PTK2: variants seen among roughly 807,000 people sequenced by gnomAD.
PTK2 encodes protein tyrosine kinase 2.
Under a neutral mutation model 150.1 loss-of-function variants are expected in PTK2, and 45 were observed. The observed-to-expected ratio is 0.30, with a 90% confidence interval of 0.24 to 0.38. PTK2 has a LOEUF of 0.38. PTK2 is among the 10% of genes least tolerant of loss of function. The pLI, the probability that PTK2 is intolerant of heterozygous loss-of-function variation, is 1.00. For missense variants in PTK2, 919 were observed against 1,307.3 expected (o/e 0.70, Z 4.58); for synonymous variants, 432 against 449.2 (o/e 0.96, Z 0.48).
intron 14 of PTK2, among the ~76,000 whole-genome samples, chr8:140,777,310 G>A (rs1178189646): frequency 6.6e-6 from 1 of 152,222 alleles, no homozygotes; most frequent in African/African-American, 2.4e-5. Context: ...AGAAGGTGAA[G>A]AGGGAGCAGG....
chr8:140,762,436 T>G, intron 15 of PTK2, 48 bp from the exon 18 acceptor site: 1 of 1,013,036 alleles, frequency 9.9e-7, no homozygotes, highest in Non-Finnish European at 1.2e-6. Flanking sequence ...TGCTTAGAAA[T>G]AACTAACAGC....
At chr8:140,754,139 T>C (rs1270924141) in intron 16 of PTK2, among the ~76,000 whole-genome samples, 1 of 152,210 alleles carries the variant, frequency 6.6e-6, no homozygotes, top group African/African-American at 2.4e-5. Flanking sequence ...AGGGACTGCA[T>C]TCCCTTTCTT....
chr8:140,993,720 C>A (rs372479500), intron 1 of PTK2, among the ~76,000 whole-genome samples: 3 of 151,970 alleles, frequency 2.0e-5, no homozygotes, highest in Non-Finnish European at 2.9e-5. Flanking sequence ...CACAGATAAC[C>A]CACAAACATG....
intron 2 of PTK2, among the ~76,000 whole-genome samples, chr8:140,898,243 G>A (rs551123872): frequency 1.3e-5 from 2 of 152,288 alleles, no homozygotes; most frequent in Admixed American, 6.5e-5. Context: ...ATTGCTGTAA[G>A]GTGTCTAGAT....
intron 4 of PTK2, among the ~76,000 whole-genome samples, chr8:140,877,025 CTTTTTTTTT>C (rs60000363): frequency 7.8e-4 from 56 of 71,886 alleles, no homozygotes; most frequent in African/African-American, 2.6e-3. Flanking sequence ...TTCACTAATC[CTTTTTTTTT>C]TTTTTTTTTT....
chr8:140,958,265 G>A (rs749470400), intron 1 of PTK2, among the ~76,000 whole-genome samples: 1 of 152,114 alleles, frequency 6.6e-6, no homozygotes, highest in Admixed American at 6.6e-5. Flanking sequence ...AGCCTCCTGA[G>A]TAGCTGGGAC....
chr8:140,722,010 G>A (rs2100043161), intron 22 of PTK2, among the ~76,000 whole-genome samples: 1 of 152,182 alleles, frequency 6.6e-6, no homozygotes. Flanking sequence ...CTCAGAATTA[G>A]CACAGACCCT....
At chr8:140,968,504 T>C (rs773691230) in intron 1 of PTK2, among the ~76,000 whole-genome samples, 7 of 152,140 alleles carry the variant, frequency 4.6e-5, no homozygotes, top group South Asian at 2.1e-4. Context: ...AAAAACAGAT[T>C]AGAGAGTTTA....
intron 1 of PTK2, among the ~76,000 whole-genome samples, chr8:140,971,658 T>A (rs1715152338): frequency 6.6e-6 from 1 of 152,228 alleles, no homozygotes; most frequent in Non-Finnish European, 1.5e-5. Context: ...TATACTGTAG[T>A]AAAGTCATTT....
intron 22 of PTK2, chr8:140,721,510 C>G (rs1376007598): frequency 1.3e-5 from 2 of 152,036 alleles, no homozygotes; most frequent in Non-Finnish European, 2.9e-5. Context: ...TCATAAAACA[C>G]CAGTAAATCC....
chr8:140,690,756 C>T (rs1313159303), intron 26 of PTK2, among the ~76,000 whole-genome samples: 2 of 152,206 alleles, frequency 1.3e-5, no homozygotes, highest in African/African-American at 4.8e-5. Context: ...ACAGCCTTCA[C>T]ATAACATTTA....
At chr8:140,744,254 T>C (rs1392181273) in intron 19 of PTK2, among the ~76,000 whole-genome samples, 2 of 152,104 alleles carry the variant, frequency 1.3e-5, no homozygotes, top group Admixed American at 6.6e-5. Flanking sequence ...TAAGGTTGTG[T>C]TGTCCTGGAG....
chr8:140,700,416 C>T (rs994321297), intron 26 of PTK2, among the ~76,000 whole-genome samples: 1 of 152,036 alleles, frequency 6.6e-6, no homozygotes, highest in African/African-American at 2.4e-5. Context: ...AAGTGATCCT[C>T]CTGCCTTGGC....
Position 140,846,593 on chromosome 8 carries a change from T to A in PTK2, c.530+6A>T. 2 of 1,590,912 alleles carry A rather than the reference T, an allele frequency of 1.3e-6. No homozygotes were observed. Among genetic ancestry groups the A allele is most frequent in the Admixed American group, 3.3e-5 (2 of 59,788 alleles). On this transcript the variant is annotated splice_donor_region_variant and intron_variant, in intron 6 of 31. Coordinates refer to ENST00000522684, the Ensembl canonical transcript of PTK2. ...TAAAGGCCGCAATGTATAGTTATCATCTTACCGTATTTCTAGACAACCCAA... is the reference window on the plus strand; with the variant it reads ...TAAAGGCCGCAATGTATAGTTATCAACTTACCGTATTTCTAGACAACCCAA...
At chr8:140,690,896 T>A (rs2100022790) in intron 26 of PTK2, among the ~76,000 whole-genome samples, 1 of 152,180 alleles carries the variant, frequency 6.6e-6, no homozygotes, top group Non-Finnish European at 1.5e-5. Flanking sequence ...CTAATGAGGA[T>A]CCAGTCCTTA....
chr8:140,978,342 A>G (rs2100190094), intron 1 of PTK2, among the ~76,000 whole-genome samples: 1 of 152,204 alleles, frequency 6.6e-6, no homozygotes, highest in Non-Finnish European at 1.5e-5. Context: ...ATGGGAGAAA[A>G]TTTTTGCAAT....
chr8:140,779,522 T>C (rs1312096802), intron 14 of PTK2, among the ~76,000 whole-genome samples: 2 of 152,102 alleles, frequency 1.3e-5, no homozygotes, highest in Non-Finnish European at 2.9e-5. Flanking sequence ...ACACCATCAG[T>C]AGGGTTACAG....
chr8:140,762,573 TCAATGTTAGTTAAA>T (rs2100069980), intron 15 of PTK2, among the ~76,000 whole-genome samples, 185 bp from the exon 18 acceptor site: 1 of 152,210 alleles, frequency 6.6e-6, no homozygotes, highest in African/African-American at 2.4e-5. Flanking sequence ...TCAAGTTAAC[TCAATGTTAGTTAAA>T]CAATGCTTTT....
intron 14 of PTK2, among the ~76,000 whole-genome samples, chr8:140,778,716 G>C (rs1244486202): frequency 6.6e-6 from 1 of 152,164 alleles, no homozygotes; most frequent in Non-Finnish European, 1.5e-5. Context: ...AGAGATGATG[G>C]GGATGTAGGC....
Sources: gnomAD v4.1 joint callset for allele counts (sites outside exome capture counted in the v4.1 genomes callset) on GRCh38, gnomAD v4.1.1 for gene constraint, MANE v1.5 for transcripts, NCBI Gene and HGNC (gene_info 2026-07-23, HGNC 2026-07-21) for gene names.